CACNA1E: variants seen among roughly 807,000 people sequenced by gnomAD.
CACNA1E encodes calcium voltage-gated channel subunit alpha1 E, also known as voltage-dependent R-type calcium channel subunit alpha-1E.
In CACNA1E, 40 loss-of-function variants were observed where a neutral mutation model predicts 259.2. The ratio of observed to expected loss-of-function variants is 0.15; its 90% CI spans 0.12 to 0.20. CACNA1E has a LOEUF of 0.20. CACNA1E is among the 10% of genes least tolerant of loss of function. The probability of loss-of-function intolerance (pLI) is 1.00; values close to 1 mark genes in which losing one functional copy is unlikely to be tolerated. For missense variants in CACNA1E, 1,874 were observed against 3,040.1 expected, an observed-to-expected ratio of 0.62 and a Z score of 9.02; for synonymous variants, 1,104 against 1,138.5, an observed-to-expected ratio of 0.97 and a Z score of 0.61.
intron 6 of CACNA1E, among the ~76,000 whole-genome samples, chr1:181,622,641 A>G (rs1655829866): frequency 6.6e-6 from 1 of 152,130 alleles, no homozygotes; most frequent in South Asian, 2.1e-4. Flanking sequence ...TGATTTTTAA[A>G]CCACATCACC....
chr1:181,552,183 C>T (rs953664917), intron 3 of CACNA1E, among the ~76,000 whole-genome samples: 3 of 152,200 alleles, frequency 2.0e-5, no homozygotes, highest in Non-Finnish European at 4.4e-5. Context: ...TTTAGGGTGA[C>T]ACCCATGTTT....
At position 181,421,352 on chromosome 1, in the gene CACNA1E, A is replaced by G. The variant is rs112027989; in HGVS notation, c.434+7772A>G. Reference sequence around the variant, plus strand: ...AGTTTGACCACATTTATTAGATCATATAGTCTGGTGGGGGGTCCTCAAAAT... The same window carrying G: ...AGTTTGACCACATTTATTAGATCATGTAGTCTGGTGGGGGGTCCTCAAAAT... On this transcript the variant is annotated intron_variant, in intron 2 of 11. Transcript: ENST00000524607. Among the ~76,000 whole-genome samples the G allele has an allele frequency of 7.9e-3, 1,203 of 152,332 alleles. 15 individuals are homozygous for G. Among genetic ancestry groups the G allele is most frequent in the African/African-American group, 0.025 (1,060 of 41,576 alleles).
At chr1:181,328,201 C>T (rs1424413228) in intron 1 of CACNA1E, among the ~76,000 whole-genome samples, 1 of 152,108 alleles carries the variant, frequency 6.6e-6, no homozygotes, top group Non-Finnish European at 1.5e-5. Context: ...TGGTAAGGGC[C>T]TGTTTCCTGG....
intron 6 of CACNA1E, among the ~76,000 whole-genome samples, chr1:181,597,439 A>T (rs958160733): frequency 6.6e-6 from 1 of 152,200 alleles, no homozygotes; most frequent in Non-Finnish European, 1.5e-5. Flanking sequence ...CTCTCCCAGG[A>T]CAAAACACAC....
Position 181,795,052 on chromosome 1 carries a change from G to A in CACNA1E, c.6208+8G>A, listed in dbSNP as rs1661673039. The A allele has an allele frequency of 6.2e-7, 1 of 1,611,724 alleles. No individual in the cohort carries two copies. The highest frequency in any genetic ancestry group is 8.5e-7 in the Non-Finnish European group (1 of 1,178,650). ...GCCTGAACTCTGATTCAGGTGAGGA[G>A]GTCTTCAGTGTCCAGCTCTTTCATC... On this transcript the variant is annotated splice_region_variant and intron_variant, in intron 46 of 47. Transcript: ENST00000367573.
intron 6 of CACNA1E, among the ~76,000 whole-genome samples, chr1:181,590,113 GT>G (rs994193854): frequency 1.9e-4 from 29 of 152,210 alleles, no homozygotes; most frequent in Admixed American, 5.2e-4. Flanking sequence ...GATGTCAGCT[GT>G]TTGGCCACAG....
At chr1:181,375,322 CT>C (rs1655027992) in intron 1 of CACNA1E, among the ~76,000 whole-genome samples, 1 of 152,110 alleles carries the variant, frequency 6.6e-6, no homozygotes, top group Non-Finnish European at 1.5e-5. Flanking sequence ...GCACATTATG[CT>C]TATCATGCAG....
At chr1:181,329,225 A>T (rs1651038288) in intron 1 of CACNA1E, among the ~76,000 whole-genome samples, 1 of 151,956 alleles carries the variant, frequency 6.6e-6, no homozygotes, top group Non-Finnish European at 1.5e-5. Flanking sequence ...TCTTCTCTCC[A>T]GCTCTGCTGC....
chr1:181,533,333 G>A (rs1308870109), intron 3 of CACNA1E, among the ~76,000 whole-genome samples: 1 of 146,912 alleles, frequency 6.8e-6, no homozygotes, highest in Non-Finnish European at 1.5e-5. Context: ...TGTGAGGTAT[G>A]ACTATACCTA....
chr1:181,411,115 C>T (rs773937390), intron 1 of CACNA1E, among the ~76,000 whole-genome samples: 2 of 152,116 alleles, frequency 1.3e-5, no homozygotes, highest in Non-Finnish European at 2.9e-5. Context: ...GTTTTGGGCT[C>T]CTGGCTAGGA....
chr1:181,539,513 G>C (rs559425803), intron 3 of CACNA1E, among the ~76,000 whole-genome samples: 1 of 152,288 alleles, frequency 6.6e-6, no homozygotes, highest in South Asian at 2.1e-4. Flanking sequence ...GCCAATCCTT[G>C]TCACATGATC....
chr1:181,326,339 G>T (rs1269055423), intron 1 of CACNA1E, among the ~76,000 whole-genome samples: 8 of 152,172 alleles, frequency 5.3e-5, no homozygotes, highest in African/African-American at 1.9e-4. Flanking sequence ...TATTTCTGAC[G>T]ATATCTGTTA....
intron 1 of CACNA1E, among the ~76,000 whole-genome samples, chr1:181,358,946 G>A (rs980580338): frequency 1.3e-5 from 2 of 152,166 alleles, no homozygotes; most frequent in African/African-American, 4.8e-5. Flanking sequence ...AGGAATTTTG[G>A]ATGACACCAG....
chr1:181,685,828 C>T (rs1312198449), intron 7 of CACNA1E, among the ~76,000 whole-genome samples: 1 of 152,110 alleles, frequency 6.6e-6, no homozygotes, highest in Admixed American at 6.5e-5. Flanking sequence ...ATTTGTACCC[C>T]ACTTGTTTCC....
chr1:181,426,390 C>T (rs552625917), intron 2 of CACNA1E, among the ~76,000 whole-genome samples: 165 of 124,960 alleles, frequency 1.3e-3, no homozygotes, highest in African/African-American at 4.8e-3. Context: ...CCATCTCAAC[C>T]GCTTCCCATC....
At chr1:181,589,540 G>C (rs16857750) in intron 6 of CACNA1E, among the ~76,000 whole-genome samples, 12,093 of 152,080 alleles carry the variant, frequency 0.08, 592 homozygotes, top group South Asian at 0.21. Context: ...GGAGGATTGA[G>C]GAGAGAGTGG....
intron 1 of CACNA1E, among the ~76,000 whole-genome samples, chr1:181,508,866 C>G (rs1665938891): frequency 6.6e-6 from 1 of 152,118 alleles, no homozygotes; most frequent in Non-Finnish European, 1.5e-5. Context: ...AGGGTTTAAG[C>G]AGGCACAGTG....
intron 3 of CACNA1E, among the ~76,000 whole-genome samples, chr1:181,563,028 G>T (rs1332345148): frequency 6.6e-6 from 1 of 152,106 alleles, no homozygotes. Context: ...AGAAGTACTA[G>T]AATGAATTTT....
At chr1:181,793,152 C>T (rs1468080192) in intron 44 of CACNA1E, among the ~76,000 whole-genome samples, 2 of 152,168 alleles carry the variant, frequency 1.3e-5, no homozygotes, top group Non-Finnish European at 2.9e-5. Flanking sequence ...GACAGCCACC[C>T]ACCACATCTT....
Sources: allele counts gnomAD v4.1 joint callset (sites outside exome capture counted in the v4.1 genomes callset), GRCh38; gene constraint gnomAD v4.1.1; transcripts MANE v1.5; gene names NCBI Gene and HGNC (gene_info 2026-07-23, HGNC 2026-07-21).